ZNF385D: variants seen among roughly 807,000 people sequenced by gnomAD.
ZNF385D encodes the protein zinc finger protein 659.
A neutral mutation model predicts 35.8 loss-of-function variants in ZNF385D; 15 were observed. The ratio of observed to expected loss-of-function variants is 0.42; its 90% CI spans 0.28 to 0.64. ZNF385D has a LOEUF of 0.64. Among genes scored for constraint, ZNF385D ranks in the 30% least tolerant of loss-of-function variants. ZNF385D has a pLI of 0.23. For missense variants in ZNF385D, 474 were observed against 494.6 expected (o/e 0.96, Z 0.39); for synonymous variants, 212 against 186.8 (o/e 1.13, Z -1.10).
At chr3:21,659,004 T>G (rs1227871374) in intron 2 of ZNF385D, among the ~76,000 whole-genome samples, 8 of 151,966 alleles carry the variant, frequency 5.3e-5, no homozygotes, top group Non-Finnish European at 1.2e-4. Context: ...TATGTCAACT[T>G]CATAGATAAC....
chr3:22,254,104 G>A (rs1040746660), intron 2 of ZNF385D, among the ~76,000 whole-genome samples: 5 of 151,646 alleles, frequency 3.3e-5, no homozygotes, highest in Non-Finnish European at 5.9e-5. Context: ...AACCTACAAG[G>A]CATTAATGAC....
At chr3:21,634,723 G>A (rs1345345975) in intron 2 of ZNF385D, among the ~76,000 whole-genome samples, 1 of 151,606 alleles carries the variant, frequency 6.6e-6, no homozygotes, top group Non-Finnish European at 1.5e-5. Context: ...GTTTTCTTAA[G>A]TATACAAACA....
At chr3:22,020,190 C>G (rs1697140485) in intron 3 of ZNF385D, among the ~76,000 whole-genome samples, 2 of 151,684 alleles carry the variant, frequency 1.3e-5, no homozygotes, top group South Asian at 4.2e-4. Context: ...ACAAGGAATT[C>G]TTAAAGTGGT....
intron 2 of ZNF385D, among the ~76,000 whole-genome samples, chr3:21,650,388 G>A (rs1234382286): frequency 1.3e-5 from 2 of 151,922 alleles, no homozygotes; most frequent in East Asian, 1.9e-4. Context: ...TAAAAGTAAA[G>A]CTAATTTCCC....
At chr3:21,934,127 T>C (rs888190906) in intron 3 of ZNF385D, among the ~76,000 whole-genome samples, 35 of 152,178 alleles carry the variant, frequency 2.3e-4, no homozygotes, top group South Asian at 2.1e-4. Context: ...AAAATAGTGA[T>C]ATTTAATAGG....
At chr3:22,068,676 T>G (rs1700085387) in intron 3 of ZNF385D, among the ~76,000 whole-genome samples, 1 of 152,238 alleles carries the variant, frequency 6.6e-6, no homozygotes, top group South Asian at 2.1e-4. Context: ...CTCACATATG[T>G]GAAAGGCCTA....
chr3:22,119,451 G>C (rs950693468), intron 3 of ZNF385D, among the ~76,000 whole-genome samples: 1 of 152,060 alleles, frequency 6.6e-6, no homozygotes, highest in African/African-American at 2.4e-5. Flanking sequence ...ATATGCTTTT[G>C]TTTGTGAATG....
intron 3 of ZNF385D, among the ~76,000 whole-genome samples, chr3:21,964,320 G>GAA (rs147018174): frequency 8.8e-5 from 12 of 136,508 alleles, no homozygotes; most frequent in Middle Eastern, 3.8e-3. Context: ...AATACAAATG[G>GAA]AAAAAAAAAG....
chr3:21,798,683 C>A (rs1239635411), intron 3 of ZNF385D, among the ~76,000 whole-genome samples: 1 of 152,056 alleles, frequency 6.6e-6, no homozygotes, highest in African/African-American at 2.4e-5. Flanking sequence ...GATGTGACAG[C>A]TCATCATAGT....
chr3:21,805,115 C>T (rs2072580973), intron 3 of ZNF385D, among the ~76,000 whole-genome samples: 1 of 152,110 alleles, frequency 6.6e-6, no homozygotes, highest in Non-Finnish European at 1.5e-5. Context: ...CGGCTTTTTG[C>T]TGCTGGGACC....
intron 3 of ZNF385D, among the ~76,000 whole-genome samples, chr3:21,876,304 G>C (rs1171784516): frequency 3.3e-5 from 5 of 151,474 alleles, no homozygotes; most frequent in Non-Finnish European, 7.4e-5. Flanking sequence ...TCTATTAGGG[G>C]TGCCTCAGAG....
chr3:21,751,889 G>C (rs555644818), upstream of ZNF385D, among the ~76,000 whole-genome samples: 1 of 152,170 alleles, frequency 6.6e-6, no homozygotes, highest in Non-Finnish European at 1.5e-5. Flanking sequence ...AGCACACTGA[G>C]GCTGAAATGA....
At chr3:21,553,747 A>G (rs893115084) in intron 3 of ZNF385D, among the ~76,000 whole-genome samples, 14 of 152,182 alleles carry the variant, frequency 9.2e-5, no homozygotes, top group African/African-American at 3.4e-4. Context: ...ATAATACTCT[A>G]AATTCTTTGT....
intron 2 of ZNF385D, among the ~76,000 whole-genome samples, chr3:21,660,531 G>C (rs2066206798): frequency 6.6e-6 from 1 of 152,098 alleles, no homozygotes; most frequent in African/African-American, 2.4e-5. Flanking sequence ...CTTTTTCAGT[G>C]ACATTCTAAA....
chr3:22,202,151 T>C (rs1412323404), intron 2 of ZNF385D, among the ~76,000 whole-genome samples: 1 of 152,132 alleles, frequency 6.6e-6, no homozygotes, highest in Non-Finnish European at 1.5e-5. Flanking sequence ...TATGTATTCA[T>C]AGTTAACTAT....
Position 22,289,879 on chromosome 3 carries a change from T to C in ZNF385D, c.106+82571A>G, listed in dbSNP as rs1027714756. Among the ~76,000 whole-genome samples the C allele has an allele frequency of 5.3e-5, 8 of 152,270 alleles. No homozygotes were observed. The East Asian group carries it at 1.2e-3, about 22-fold the overall frequency. ...TACTGTTCAGAATCCTGGAGGTCTA[T>C]AGTATGTCAGCTCAGTTAACTCTCT... On this transcript the variant is annotated intron_variant, in intron 2 of 5. Coordinates refer to the ZNF385D transcript ENST00000494108.
intron 3 of ZNF385D, among the ~76,000 whole-genome samples, chr3:21,768,540 C>A (rs1280970307): frequency 6.6e-6 from 1 of 151,888 alleles, no homozygotes; most frequent in Non-Finnish European, 1.5e-5. Context: ...AATTTTAGCT[C>A]TTAGAGTAGC....
rs1414190113 is a variant in ZNF385D, at chr3:21,664,903, A to G, written c.148T>C (p.Phe50Leu). 6.2e-7 allele frequency: 1 copy of G among 1,613,688 alleles called. No homozygotes were observed. Among genetic ancestry groups the G allele is most frequent in the Non-Finnish European group, 8.5e-7 (1 of 1,179,686 alleles). Residue 50 changes from phenylalanine to leucine, a missense_variant, in exon 2 of 8, where the codon TTC becomes CTC. By Grantham distance (22) the Phe-to-Leu change is conservative. Coordinates refer to ENST00000281523, the MANE Select transcript of ZNF385D (RefSeq NM_024697.3). ...PLDTAAAVNL[F>L]PNFNAMDPIQ... ...GTACTTACCGCATTGAAATTGGGGA[A>G]GAGGTTGACTGCAGCTGCAGTGTCA... is the stretch of plus-strand genomic sequence containing the variant.
chr3:21,592,975 A>C (rs144241672), intron 2 of ZNF385D, among the ~76,000 whole-genome samples: 2 of 152,186 alleles, frequency 1.3e-5, no homozygotes, highest in Non-Finnish European at 2.9e-5. Flanking sequence ...CTGCACAGCA[A>C]GCTTCTGACC....
Sources: gnomAD v4.1 joint callset for allele counts (sites outside exome capture counted in the v4.1 genomes callset) on GRCh38, gnomAD v4.1.1 for gene constraint, MANE v1.5 for transcripts, NCBI Gene and HGNC (gene_info 2026-07-23, HGNC 2026-07-21) for gene names.